CC2D2A: variants seen among roughly 807,000 people sequenced by gnomAD.
CC2D2A encodes coiled-coil and C2 domain containing 2A.
CC2D2A carries 155 observed loss-of-function variants against 212.9 expected under a neutral mutation model. The observed-to-expected ratio is 0.73, with a 90% CI of 0.64 to 0.83. The LOEUF is 0.83. Ranked by LOEUF, CC2D2A falls within the 40% of genes least tolerant of loss-of-function variation. The pLI, the probability that CC2D2A is intolerant of heterozygous loss-of-function variation, is 0.00. For missense variants in CC2D2A, 1,856 were observed against 1,956.2 expected (o/e 0.95, Z 0.97); for synonymous variants, 667 against 686.5 (o/e 0.97, Z 0.44).
At chr4:15,488,809 G>C (rs60708661) in intron 4 of CC2D2A, among the ~76,000 whole-genome samples, 1 of 152,170 alleles carries the variant, frequency 6.6e-6, no homozygotes, top group Non-Finnish European at 1.5e-5. Context: ...ACACTGCTTC[G>C]GGCACATGCC....
At position 15,527,569 on chromosome 4, in the gene CC2D2A, G is replaced by A. The variant is rs1487975811; in HGVS notation, c.1272G>A (p.Glu424=). The change falls in exon 12 of 37, where the codon GAG becomes GAA. Residue 424 remains glutamate, a synonymous_variant. Transcript: ENST00000424120. ...IFTHHPCFSR[E]HVLAAKLAQL... is the part of the protein sequence containing the mutation. ...CTCATCATCCCTGTTTTAGCCGAGA[G>A]CATGTTTTGGCAGCCAAGCTGGCCC... is the stretch of plus-strand genomic sequence containing the variant. The A allele has an allele frequency of 2.5e-6, 4 of 1,613,308 alleles. No individual in the cohort carries two copies. The highest frequency in any genetic ancestry group is 4.5e-5 in the East Asian group (2 of 44,896).
At position 15,527,455 on chromosome 4, in the gene CC2D2A, A is replaced by G; in HGVS notation, c.1158A>G (p.Lys386=). 1 of 1,612,502 alleles carries G rather than the reference A, an allele frequency of 6.2e-7. No individual in the cohort carries two copies. The highest frequency in any genetic ancestry group is 8.5e-7 in the Non-Finnish European group (1 of 1,179,096). ...ELETLYKKAV[K]YVHSSQHVIR... is the part of the protein sequence containing the mutation. ...TCTGCTTTCCTTGGCAGGCTGTAAA[A>G]TACGTTCACAGTAGTCAGCATGTGA... Residue 386 remains lysine, a synonymous_variant, in exon 12 of 37, where the codon AAA becomes AAG. Coordinates refer to ENST00000424120, the MANE Select transcript of CC2D2A (RefSeq NM_001378615.1).
chr4:15,549,008 TA>T (rs1718858664), intron 17 of CC2D2A, among the ~76,000 whole-genome samples: 1 of 152,208 alleles, frequency 6.6e-6, no homozygotes, highest in African/African-American at 2.4e-5. Context: ...GGAATTATTA[TA>T]AAAATGGTAT....
intron 6 of CC2D2A, among the ~76,000 whole-genome samples, chr4:15,504,235 G>A (rs536721052): frequency 1.3e-5 from 2 of 152,268 alleles, no homozygotes; most frequent in Admixed American, 6.5e-5. Context: ...ATGTTTTGTG[G>A]TCGTCAGTAG....
chr4:15,599,066 G>A (rs1721455919), intron 35 of CC2D2A, among the ~76,000 whole-genome samples: 2 of 152,078 alleles, frequency 1.3e-5, no homozygotes, highest in South Asian at 2.1e-4. Context: ...AGAGGCTGAG[G>A]TGGGAGGTTC....
intron 32 of CC2D2A, among the ~76,000 whole-genome samples, chr4:15,589,236 C>G (rs1483473230): frequency 6.6e-6 from 1 of 152,192 alleles, no homozygotes; most frequent in East Asian, 1.9e-4. Flanking sequence ...GAAGAAAACG[C>G]CAGTGACTGC....
Position 15,540,921 on chromosome 4 carries a change from A to C in CC2D2A, c.2088A>C (p.Thr696=). ...VLFNNKEVSR[T]VSRPLGADFR... ...TCAACAACAAGGAGGTGTCCAGGACAGTCAGTCGGCCACTAGGAGCAGACT... is the reference window on the plus strand; with the variant it reads ...TCAACAACAAGGAGGTGTCCAGGACCGTCAGTCGGCCACTAGGAGCAGACT... Residue 696 remains threonine, a synonymous_variant, in exon 17 of 37, where the codon ACA becomes ACC. Transcript: ENST00000424120. 1 of 1,578,406 alleles carries C rather than the reference A, an allele frequency of 6.3e-7. No homozygotes were observed.
At chr4:15,584,190 A>C (rs2109086854) in intron 30 of CC2D2A, among the ~76,000 whole-genome samples, 1 of 152,314 alleles carries the variant, frequency 6.6e-6, no homozygotes, top group South Asian at 2.1e-4. Flanking sequence ...AAGATCCCAA[A>C]TAGCCAATGT....
chr4:15,499,369 T>C (rs1715795637), intron 4 of CC2D2A, among the ~76,000 whole-genome samples: 1 of 152,194 alleles, frequency 6.6e-6, no homozygotes, highest in Non-Finnish European at 1.5e-5. Flanking sequence ...CTGGAATATA[T>C]GGGAAGTCTC....
chr4:15,513,626 T>C (rs1041181635), intron 8 of CC2D2A, among the ~76,000 whole-genome samples: 2 of 152,242 alleles, frequency 1.3e-5, no homozygotes, highest in Non-Finnish European at 2.9e-5. Flanking sequence ...TTTAGCCTTT[T>C]TGAACAAAGT....
intron 13 of CC2D2A, among the ~76,000 whole-genome samples, chr4:15,532,519 T>C (rs1717900271): frequency 6.6e-6 from 1 of 152,238 alleles, no homozygotes; most frequent in South Asian, 2.1e-4. Flanking sequence ...GATGGACATA[T>C]GGAGATATCT....
intron 11 of CC2D2A, among the ~76,000 whole-genome samples, chr4:15,523,428 T>C (rs1352925912): frequency 6.6e-6 from 1 of 152,228 alleles, no homozygotes; most frequent in Non-Finnish European, 1.5e-5. Flanking sequence ...GACTGTGTCA[T>C]GATTCCAAGC....
At position 15,480,830 on chromosome 4, in the gene CC2D2A, A is replaced by G; in HGVS notation, c.247+3A>G. 1 of 1,610,704 alleles carries G rather than the reference A, an allele frequency of 6.2e-7. No individual in the cohort carries two copies. Among genetic ancestry groups the G allele is most frequent in the Non-Finnish European group, 8.5e-7 (1 of 1,178,006 alleles). ...GACAGTCCGGAGAGGCCCACGGAGT[A>G]AGTGCCCCTCTTCCATTCAGCTACT... On this transcript the variant is annotated splice_donor_region_variant and intron_variant, in intron 4 of 36. Coordinates refer to ENST00000424120, the MANE Select transcript of CC2D2A (RefSeq NM_001378615.1).
At chr4:15,497,730 G>C (rs1053182369) in intron 4 of CC2D2A, among the ~76,000 whole-genome samples, 1 of 152,100 alleles carries the variant, frequency 6.6e-6, no homozygotes, top group African/African-American at 2.4e-5. Context: ...TGTGGTTTTG[G>C]TTTCCATTTT....
chr4:15,506,951 G>A (rs1309898090), intron 6 of CC2D2A, among the ~76,000 whole-genome samples: 1 of 151,726 alleles, frequency 6.6e-6, no homozygotes, highest in Non-Finnish European at 1.5e-5. Flanking sequence ...GGTGGAGGGT[G>A]CCTGTAATCC....
In CC2D2A at chr4:15,504,110, AT is replaced by A. The variant is rs776036113; in HGVS notation, c.438+1193del. On this transcript the variant is annotated intron_variant, in intron 6 of 36. Coordinates refer to ENST00000424120, the MANE Select transcript of CC2D2A (RefSeq NM_001378615.1). The stretch of plus-strand genomic sequence containing the variant: ...AGCCCAGGCTCTAGGGATATTTCTG[AT>A]TTTTTAAATGATGCCTTTTCTTTTT... Among the ~76,000 whole-genome samples, 8 of 152,316 alleles carry A rather than the reference AT, an allele frequency of 5.3e-5. No individual in the cohort carries two copies. In the East Asian group the frequency reaches 1.5e-3, roughly 29 times the overall value.
In CC2D2A at chr4:15,510,124, T is replaced by C. The variant is rs1386722789; in HGVS notation, c.439-15T>C. ...GGTTAAATGGTTTATCTATCATTTT[T>C]TTCCACTCATATAGCCAGGGAAAGA... is the stretch of plus-strand genomic sequence containing the variant. On this transcript the variant is annotated splice_polypyrimidine_tract_variant and intron_variant, in intron 6 of 36. Transcript: ENST00000424120. The C allele has an allele frequency of 1.9e-6, 3 of 1,590,798 alleles. No homozygotes were observed. In the African/African-American group the frequency reaches 4.0e-5, roughly 21 times the overall value.
chr4:15,576,304 A>T (rs914712180), intron 29 of CC2D2A: 1 of 745,204 alleles, frequency 1.3e-6, no homozygotes, highest in Non-Finnish European at 1.6e-6. Context: ...CAGGAAAGAG[A>T]AGGTCTCATC....
In CC2D2A at chr4:15,597,531, A is replaced by G. The variant is rs560572815; in HGVS notation, c.4496+66A>G. ...GGAGTATAATACCAAACTTTAAACC[A>G]CTGTCAGCCTGGATGAATGTGAAAC... On this transcript the variant is annotated intron_variant, in intron 35 of 36. Coordinates refer to ENST00000424120, the MANE Select transcript of CC2D2A (RefSeq NM_001378615.1). 1.1e-3 allele frequency: 1,300 copies of G among 1,225,538 alleles called. 24 individuals carry two copies. The South Asian group carries it at 0.016, about 16-fold the overall frequency. 75.9% of individuals were successfully genotyped at this position (1,225,538 alleles called of 1,614,324 possible).
Sources: gnomAD v4.1 joint callset for allele counts (sites outside exome capture counted in the v4.1 genomes callset) on GRCh38, gnomAD v4.1.1 for gene constraint, MANE v1.5 for transcripts, NCBI Gene and HGNC (gene_info 2026-07-23, HGNC 2026-07-21) for gene names.